MYO16: variants seen among roughly 807,000 people sequenced by gnomAD.
MYO16 encodes unconventional myosin-XVI.
A neutral mutation model predicts 205.3 loss-of-function variants in MYO16; 94 were observed. The observed-to-expected ratio is 0.46, with a 90% CI of 0.39 to 0.54. The LOEUF is 0.54. MYO16 is among the 20% of genes least tolerant of loss of function. MYO16 has a pLI of 0.00. For synonymous variants in MYO16, 988 were observed against 954.0 expected (o/e 1.04, Z -0.66); for missense variants, 2,315 against 2,387.5 (o/e 0.97, Z 0.63).
chr13:108,583,782 G>A, the MYO16 span, among the ~76,000 whole-genome samples: 5 of 152,138 alleles, frequency 3.3e-5, no homozygotes, highest in African/African-American at 1.2e-4. Context: ...TAAGCAAAAC[G>A]AAGGAATTAA....
intron 27 of MYO16, among the ~76,000 whole-genome samples, chr13:109,076,974 A>G (rs1284704598): frequency 6.7e-6 from 1 of 149,148 alleles, no homozygotes; most frequent in East Asian, 2.0e-4. Context: ...TTTTCAGCTC[A>G]ATTTATTTAT....
At chr13:109,027,543 G>A (rs2139545601) in intron 23 of MYO16, among the ~76,000 whole-genome samples, 1 of 151,972 alleles carries the variant, frequency 6.6e-6, no homozygotes, top group South Asian at 2.1e-4. Context: ...TGGAAGGAGG[G>A]TGGAAAGGGC....
At chr13:109,076,715 G>C (rs1888118822) in intron 27 of MYO16, among the ~76,000 whole-genome samples, 1 of 152,100 alleles carries the variant, frequency 6.6e-6, no homozygotes, top group African/African-American at 2.4e-5. Flanking sequence ...TGGACCTCTG[G>C]GGCTGTTTTC....
At chr13:109,013,884 A>G (rs1885708061) in intron 22 of MYO16, among the ~76,000 whole-genome samples, 1 of 152,290 alleles carries the variant, frequency 6.6e-6, no homozygotes, top group Non-Finnish European at 1.5e-5. Context: ...TCAGATGGGT[A>G]GATTGCAAAA....
rs1270481334 is a variant in MYO16 at position 109,140,557 on chromosome 13, C to G, written c.4345C>G (p.Pro1449Ala). 6.5e-7 allele frequency: 1 copy of G among 1,540,564 alleles called. No homozygotes were observed. The highest frequency in any genetic ancestry group is 1.2e-5 in the South Asian group (1 of 84,428). The change falls in exon 32 of 35, where the codon CCC becomes GCC. Residue 1449 changes from proline (P) to alanine (A), a missense_variant. Transcript: ENST00000457511. The surrounding 1 kb of genome is among the most constrained non-coding windows in gnomAD (Gnocchi z 8.0). ...CGCGGCCAGGCCCGATAGCCCGGACCCCGGGGAGTCCGTGTACGAGGAGAT... is the reference window on the plus strand; with the variant it reads ...CGCGGCCAGGCCCGATAGCCCGGACGCCGGGGAGTCCGTGTACGAGGAGAT... Reference protein sequence around the residue: ...GHAARPDSPDPGESVYEEMKC... With the variant: ...GHAARPDSPDAGESVYEEMKC...
At chr13:108,586,455 G>T in the MYO16 span, among the ~76,000 whole-genome samples, 6 of 152,198 alleles carry the variant, frequency 3.9e-5, no homozygotes, top group African/African-American at 9.6e-5. Flanking sequence ...GGTAGGCTGA[G>T]GTTCAGATAT....
intron 13 of MYO16, among the ~76,000 whole-genome samples, chr13:108,885,449 C>T (rs534234741): frequency 1.3e-5 from 2 of 152,142 alleles, no homozygotes; most frequent in East Asian, 1.9e-4. Flanking sequence ...ATGAGAAAGG[C>T]GCAGAGATGG....
intron 23 of MYO16, among the ~76,000 whole-genome samples, chr13:109,027,053 T>C (rs1886384888): frequency 6.6e-6 from 1 of 152,192 alleles, no homozygotes; most frequent in African/African-American, 2.4e-5. Context: ...TTTTTCACAG[T>C]GCTGGAGGAT....
chr13:108,881,187 T>C (rs1443748400), intron 12 of MYO16, among the ~76,000 whole-genome samples: 1 of 151,968 alleles, frequency 6.6e-6, no homozygotes, highest in Non-Finnish European at 1.5e-5. Flanking sequence ...GGGTCTGGAG[T>C]GGACCTCCAG....
chr13:109,007,314 T>C (rs534892171), intron 21 of MYO16, among the ~76,000 whole-genome samples: 1 of 150,676 alleles, frequency 6.6e-6, no homozygotes, highest in Non-Finnish European at 1.5e-5. Flanking sequence ...TGTGAACCCG[T>C]GAGGCGGAGC....
intron 34 of MYO16, among the ~76,000 whole-genome samples, chr13:109,190,291 A>AT (rs1288823328): frequency 6.6e-6 from 1 of 152,106 alleles, no homozygotes; most frequent in Non-Finnish European, 1.5e-5. Flanking sequence ...GTAATTTTAC[A>AT]TTTTTTCTGT....
intron 12 of MYO16, among the ~76,000 whole-genome samples, chr13:108,868,145 A>T: frequency 6.6e-6 from 1 of 152,282 alleles, no homozygotes; most frequent in African/African-American, 2.4e-5. Flanking sequence ...TTGATAACAT[A>T]TGTATTTCTT....
At chr13:108,973,977 T>A (rs1884156007) in intron 20 of MYO16, among the ~76,000 whole-genome samples, 1 of 152,012 alleles carries the variant, frequency 6.6e-6, no homozygotes, top group Non-Finnish European at 1.5e-5. Context: ...TTTTGGATAA[T>A]CCATGTTTGG....
At chr13:108,568,881 C>T in the MYO16 span, among the ~76,000 whole-genome samples, 1 of 151,954 alleles carries the variant, frequency 6.6e-6, no homozygotes, top group African/African-American at 2.4e-5. Context: ...GTCCAACTTT[C>T]TCCTTGTACA....
chr13:109,094,748 G>C (rs1888726518), intron 27 of MYO16, among the ~76,000 whole-genome samples: 2 of 152,208 alleles, frequency 1.3e-5, no homozygotes, highest in African/African-American at 4.8e-5. Flanking sequence ...AACATGTGGT[G>C]TTTGGTTTTC....
chr13:109,141,109 G>C lies in MYO16; in HGVS notation c.4897G>C (p.Ala1633Pro). 1.3e-6 allele frequency: 2 copies of C among 1,543,192 alleles called. No individual in the cohort carries two copies. Among genetic ancestry groups the C allele is most frequent in the Non-Finnish European group, 1.7e-6 (2 of 1,148,274 alleles). The change falls in exon 32 of 35, where the codon GCA becomes CCA. Residue 1633 changes from alanine (A) to proline (P), a missense_variant. This residue lies in a region of MYO16 where 1,097 missense variants were observed against 1,092.0 expected (regional missense o/e 1.00). Transcript: ENST00000457511. This position sits in a 1 kb window ranked among gnomAD's most constrained non-coding sequence, Gnocchi z 4.1. ...PVNAGKAGPS[A>P]EAPKVHPKPN... ...GAACGCGGGGAAAGCGGGGCCGAGC[G>C]CAGAGGCGCCCAAGGTTCACCCAAA... is the stretch of plus-strand genomic sequence containing the variant.
rs113992687 is a variant in MYO16, at chr13:108,651,017, G to A, written c.29-14869G>A. Among the ~76,000 whole-genome samples, 588 of 152,282 alleles carry A rather than the reference G, an allele frequency of 3.9e-3. 1 individual carries two copies. The highest frequency in any genetic ancestry group is 6.9e-3 in the Admixed American group (106 of 15,296). On this transcript the variant is annotated intron_variant, in intron 1 of 34. Transcript: ENST00000457511. ...TGGATCATCCCTGTGAGGTAGACAC[G>A]AGACACAGAGAGGAAAAGGAATCTG... is the stretch of plus-strand genomic sequence containing the variant.
intron 4 of MYO16, among the ~76,000 whole-genome samples, chr13:108,729,525 A>C (rs1341641882): frequency 6.6e-6 from 1 of 152,070 alleles, no homozygotes; most frequent in South Asian, 2.1e-4. Context: ...TACTTGTTTT[A>C]ATTTTTTTCA....
At position 109,025,597 on chromosome 13, in the gene MYO16, TA is replaced by T. The variant is rs1421340488; in HGVS notation, c.2796+5687del. 2.0e-5 allele frequency among the ~76,000 whole-genome samples: 3 copies of T among 152,156 alleles called. No individual in the cohort carries two copies. In the East Asian group the frequency reaches 5.8e-4, roughly 29 times the overall value. Reference sequence around the variant, plus strand: ...AAATCATATATGGGATTATCACTTATAGGGGCTTCTCTTAAAAGTCTGATGA... The same window carrying T: ...AAATCATATATGGGATTATCACTTATGGGGCTTCTCTTAAAAGTCTGATGA... On this transcript the variant is annotated intron_variant, in intron 23 of 34. Transcript: ENST00000457511.
Sources: gnomAD v4.1 joint callset for allele counts (sites outside exome capture counted in the v4.1 genomes callset) on GRCh38, gnomAD v4.1.1 for gene constraint, gnomAD v4.1.1 regional missense constraint, Gnocchi (gnomAD v3.1) non-coding constraint, MANE v1.5 for transcripts, NCBI Gene and HGNC (gene_info 2026-07-23, HGNC 2026-07-21) for gene names.